The following RASEF variants were observed in gnomAD, a reference collection of about 807,000 sequenced individuals.
The protein encoded by RASEF is RAS and EF-hand domain containing, also known as ras and EF-hand domain-containing protein.
RASEF carries 68 observed loss-of-function variants against 90.1 expected under a neutral mutation model. That is an observed-to-expected ratio of 0.75 (90% CI 0.62 to 0.92). The LOEUF (loss-of-function observed/expected upper bound fraction) is 0.92. Ranked by LOEUF, RASEF falls within the 40% of genes least tolerant of loss-of-function variation. RASEF has a pLI of 0.00. For missense variants in RASEF, 949 were observed against 937.2 expected (o/e 1.01, Z -0.16); for synonymous variants, 331 against 345.2 (o/e 0.96, Z 0.46).
the RASEF span, among the ~76,000 whole-genome samples, chr9:83,085,036 T>C: frequency 6.6e-6 from 1 of 152,116 alleles, no homozygotes; most frequent in African/African-American, 2.4e-5. Context: ...CACAAAGCGG[T>C]CCTTTATTTA....
chr9:83,025,747 G>C, intron 2 of RASEF, 28 bp downstream of exon 2: 1 of 1,607,674 alleles, frequency 6.2e-7, no homozygotes, highest in Non-Finnish European at 8.5e-7. Context: ...GCACCCACAG[G>C]CCACTTATAA....
the RASEF span, among the ~76,000 whole-genome samples, chr9:83,160,994 G>T: frequency 6.6e-6 from 1 of 152,200 alleles, no homozygotes; most frequent in South Asian, 2.1e-4. Flanking sequence ...GATTTCGGAA[G>T]ATATATGGAC....
rs962021723 is a variant in RASEF, at chr9:83,019,470, G to A, written c.669+2866C>T. Among the ~76,000 whole-genome samples the A allele has an allele frequency of 2.0e-5, 3 of 152,252 alleles. No homozygotes were observed. In the South Asian group the frequency reaches 6.2e-4, roughly 32 times the overall value. ...TGAAAGAATGGGACTCTCATACACT[G>A]CTGATTGAATCATACAACTGTACAA... On this transcript the variant is annotated intron_variant, in intron 3 of 16. Coordinates refer to ENST00000376447, the MANE Select transcript of RASEF (RefSeq NM_152573.4).
chr9:83,115,884 TAA>T, the RASEF span, among the ~76,000 whole-genome samples: 1,415 of 146,014 alleles, frequency 9.7e-3, 18 homozygotes, highest in African/African-American at 0.034. Flanking sequence ...GCTAAATTGC[TAA>T]AAAAAAAAGC....
At chr9:83,173,828 T>C in the RASEF span, among the ~76,000 whole-genome samples, 7 of 151,816 alleles carry the variant, frequency 4.6e-5, no homozygotes, top group Admixed American at 4.6e-4. Context: ...CATAGAAAAG[T>C]TAGGTATTTA....
chr9:83,005,336 G>T, intron 8 of RASEF, 80 bp downstream of exon 8: 1 of 1,021,332 alleles, frequency 9.8e-7, no homozygotes, highest in Non-Finnish European at 1.5e-6. Flanking sequence ...TCTCCTTTAA[G>T]AAATTACATT....
At chr9:83,132,370 GT>G in the RASEF span, among the ~76,000 whole-genome samples, 77 of 152,132 alleles carry the variant, frequency 5.1e-4, no homozygotes, top group Non-Finnish European at 9.0e-4. Context: ...GTCTCCAGTG[GT>G]TTTTGCCACT....
chr9:83,097,591 G>A, the RASEF span, among the ~76,000 whole-genome samples: 1 of 152,164 alleles, frequency 6.6e-6, no homozygotes, highest in South Asian at 2.1e-4. Context: ...AGTGGGCGAA[G>A]GACATGAACA....
At chr9:83,114,728 C>G in the RASEF span, among the ~76,000 whole-genome samples, 1 of 152,118 alleles carries the variant, frequency 6.6e-6, no homozygotes, top group African/African-American at 2.4e-5. Flanking sequence ...CTTATTAGGA[C>G]AAAGAAATTC....
At chr9:83,072,266 T>C in the RASEF span, among the ~76,000 whole-genome samples, 1 of 152,140 alleles carries the variant, frequency 6.6e-6, no homozygotes, top group Non-Finnish European at 1.5e-5. Context: ...TCTGCCCATG[T>C]ACCCTGCCCT....
At chr9:83,025,677 T>C in intron 2 of RASEF, 98 bp downstream of exon 2, 1 of 1,230,900 alleles carries the variant, frequency 8.1e-7, no homozygotes, top group Non-Finnish European at 1.1e-6. Context: ...AGTCCACCTA[T>C]ATCATAGTGT....
chr9:83,130,096 T>C, the RASEF span, among the ~76,000 whole-genome samples: 1 of 152,232 alleles, frequency 6.6e-6, no homozygotes, highest in Non-Finnish European at 1.5e-5. Context: ...ATGAGTTCCA[T>C]GCTCAGAGAT....
chr9:83,138,713 C>A, the RASEF span, among the ~76,000 whole-genome samples: 2 of 152,140 alleles, frequency 1.3e-5, no homozygotes, highest in African/African-American at 4.8e-5. Context: ...CCTCGTAGAG[C>A]TTTGAGACCT....
the RASEF span, among the ~76,000 whole-genome samples, chr9:83,143,905 G>A: frequency 0.17 from 25,444 of 152,034 alleles, 2,326 homozygotes; most frequent in Non-Finnish European, 0.21. Flanking sequence ...AATTGACCCA[G>A]GTGCCCATCA....
chr9:83,007,668 C>G (rs759445985), intron 6 of RASEF, among the ~76,000 whole-genome samples, 163 bp from the exon 7 acceptor site: 1 of 152,136 alleles, frequency 6.6e-6, no homozygotes, highest in Non-Finnish European at 1.5e-5. Context: ...GTGGCCTCAG[C>G]AGCCTCCTCT....
chr9:83,181,578 T>A, the RASEF span, among the ~76,000 whole-genome samples: 1 of 152,126 alleles, frequency 6.6e-6, no homozygotes, highest in African/African-American at 2.4e-5. Flanking sequence ...AAAAGAAGAT[T>A]CATCATTCTC....
the RASEF span, among the ~76,000 whole-genome samples, chr9:83,184,417 C>T: frequency 6.6e-6 from 1 of 152,106 alleles, no homozygotes; most frequent in Non-Finnish European, 1.5e-5. Flanking sequence ...TGGGGAATGC[C>T]CCTCTCCACG....
intron 1 of RASEF, among the ~76,000 whole-genome samples, chr9:83,028,015 C>A (rs1564082080): frequency 6.6e-6 from 1 of 152,144 alleles, no homozygotes; most frequent in African/African-American, 2.4e-5. Context: ...AGTAGCAACA[C>A]TTTTTAAAGC....
chr9:83,042,437 G>A (rs1314583094), intron 1 of RASEF, among the ~76,000 whole-genome samples: 2 of 152,092 alleles, frequency 1.3e-5, no homozygotes, highest in African/African-American at 4.8e-5. Context: ...CATTCAGCAT[G>A]AACCATGCCC....
Sources: allele counts gnomAD v4.1 joint callset (sites outside exome capture counted in the v4.1 genomes callset), GRCh38; gene constraint gnomAD v4.1.1; transcripts MANE v1.5; gene names NCBI Gene and HGNC (gene_info 2026-07-23, HGNC 2026-07-21).